The following RAB11FIP2 variants were observed in gnomAD, a reference collection of about 807,000 sequenced individuals.
RAB11FIP2 encodes rab11 family-interacting protein 2.
RAB11FIP2 carries 16 observed loss-of-function variants against 40.9 expected under a neutral mutation model. The ratio of observed to expected loss-of-function variants is 0.39; its 90% confidence interval spans 0.26 to 0.59. The LOEUF is 0.59. Among genes scored for constraint, RAB11FIP2 ranks in the 20% least tolerant of loss-of-function variants. The probability of loss-of-function intolerance (pLI) is 0.53; values close to 1 mark genes in which losing one functional copy is unlikely to be tolerated. For synonymous variants in RAB11FIP2, 228 were observed against 213.7 expected (o/e 1.07, Z -0.58); for missense variants, 532 against 606.2 (o/e 0.88, Z 1.28).
chr10:118,006,074 C>T lies in RAB11FIP2; in HGVS notation c.*2924G>A, dbSNP rs1846087554. The T allele has an allele frequency of 6.6e-6, 1 of 152,436 alleles. No individual in the cohort carries two copies. Among genetic ancestry groups the T allele is most frequent in the African/African-American group, 2.4e-5 (1 of 41,398 alleles). The allele number at this position is 152,436 out of a possible 1,614,324, so 9.4% of individuals were successfully genotyped here. On this transcript the variant is annotated 3_prime_UTR_variant, in exon 5 of 5. Transcript: ENST00000355624. ...CAATGCAGAACATAGCAGCAAAAAG[C>T]AATACTTAAAAACGTTTTTCATGAA... is the stretch of plus-strand genomic sequence containing the variant.
At chr10:118,023,645 G>A (rs963321968) in intron 3 of RAB11FIP2, among the ~76,000 whole-genome samples, 11 of 152,118 alleles carry the variant, frequency 7.2e-5, no homozygotes, top group Admixed American at 3.3e-4. Context: ...CAAAGATCAC[G>A]GACAGCAAAT....
chr10:118,034,653 A>G (rs941171740), intron 3 of RAB11FIP2, among the ~76,000 whole-genome samples: 3 of 152,286 alleles, frequency 2.0e-5, no homozygotes, highest in African/African-American at 7.2e-5. Context: ...AAAGCATGAA[A>G]AAAATTAGTT....
At chr10:118,035,365 T>C (rs975232253) in intron 3 of RAB11FIP2, among the ~76,000 whole-genome samples, 1 of 152,146 alleles carries the variant, frequency 6.6e-6, no homozygotes, top group Non-Finnish European at 1.5e-5. Flanking sequence ...TATTAAATTT[T>C]AGTAATCCTT....
chr10:118,006,910 T>C lies in RAB11FIP2; in HGVS notation c.*2088A>G, dbSNP rs1301944192. ...AATTTCCCCATAAAAAGAAGAGCAG[T>C]ACTTGAACCATACTTTTAAATGAGT... is the stretch of plus-strand genomic sequence containing the variant. On this transcript the variant is annotated 3_prime_UTR_variant, in exon 5 of 5. Coordinates refer to ENST00000355624, the MANE Select transcript of RAB11FIP2 (RefSeq NM_014904.3). 1 of 152,412 alleles carries C rather than the reference T, an allele frequency of 6.6e-6. No homozygotes were observed. The highest frequency in any genetic ancestry group is 1.5e-5 in the Non-Finnish European group (1 of 67,904). The allele number at this position is 152,412 out of a possible 1,614,324, so 9.4% of individuals were successfully genotyped here.
intron 3 of RAB11FIP2, among the ~76,000 whole-genome samples, chr10:118,023,958 CATGTGTCT>C (rs1303542637): frequency 1.3e-5 from 2 of 151,916 alleles, no homozygotes; most frequent in African/African-American, 2.4e-5. Flanking sequence ...GATGTGGTGG[CATGTGTCT>C]ATAATCCCAG....
At chr10:118,025,822 G>C (rs1033150048) in intron 3 of RAB11FIP2, among the ~76,000 whole-genome samples, 1 of 151,918 alleles carries the variant, frequency 6.6e-6, no homozygotes, top group Non-Finnish European at 1.5e-5. Flanking sequence ...TCCATCCTTC[G>C]AGACTTTTAG....
chr10:118,024,067 G>A (rs1179534612), intron 3 of RAB11FIP2, among the ~76,000 whole-genome samples: 1 of 149,704 alleles, frequency 6.7e-6, no homozygotes, highest in Non-Finnish European at 1.5e-5. Context: ...TCCAGCCTGG[G>A]CAACAGAGTG....
At chr10:118,036,084 A>G (rs1230138426) in intron 3 of RAB11FIP2, among the ~76,000 whole-genome samples, 1 of 152,142 alleles carries the variant, frequency 6.6e-6, no homozygotes, top group Non-Finnish European at 1.5e-5. Flanking sequence ...TTCTAAAAAA[A>G]GTGTGCCTTA....
chr10:118,020,564 A>G (rs1453227160), intron 3 of RAB11FIP2, among the ~76,000 whole-genome samples: 1 of 152,038 alleles, frequency 6.6e-6, no homozygotes, highest in Non-Finnish European at 1.5e-5. Context: ...CTGAAAGCAT[A>G]GGAGGCAGGG....
Position 118,029,745 on chromosome 10 carries a change from A to G in RAB11FIP2, c.1265+9227T>C, listed in dbSNP as rs75114261. ...GGAGCCTCGCAAGGGCCTTCTTTATATTCTTAACCTTTAGAGTATAACATG... is the reference window on the plus strand; with the variant it reads ...GGAGCCTCGCAAGGGCCTTCTTTATGTTCTTAACCTTTAGAGTATAACATG... On this transcript the variant is annotated intron_variant, in intron 3 of 4. Coordinates refer to ENST00000355624, the MANE Select transcript of RAB11FIP2 (RefSeq NM_014904.3). Among the ~76,000 whole-genome samples the G allele has an allele frequency of 5.4e-3, 826 of 152,230 alleles. 9 individuals are homozygous for G. The highest frequency in any genetic ancestry group is 0.019 in the African/African-American group (788 of 41,534).
At chr10:118,010,833 A>T (rs934025902) in intron 4 of RAB11FIP2, among the ~76,000 whole-genome samples, 3 of 152,116 alleles carry the variant, frequency 2.0e-5, no homozygotes, top group Non-Finnish European at 4.4e-5. Flanking sequence ...ACAAGGCTCA[A>T]GGCATAGTGG....
chr10:118,041,053 A>G (rs1285003719), intron 1 of RAB11FIP2, among the ~76,000 whole-genome samples: 1 of 152,154 alleles, frequency 6.6e-6, no homozygotes. Flanking sequence ...CCATCCCAAA[A>G]TATTACTTAC....
At chr10:118,028,963 C>T (rs1183147314) in intron 3 of RAB11FIP2, among the ~76,000 whole-genome samples, 1 of 151,374 alleles carries the variant, frequency 6.6e-6, no homozygotes, top group Non-Finnish European at 1.5e-5. Flanking sequence ...TAGTCTCAAA[C>T]AATTCAAAAC....
chr10:118,043,514 C>T (rs1311212502), intron 1 of RAB11FIP2: 1 of 152,176 alleles, frequency 6.6e-6, no homozygotes, highest in Non-Finnish European at 1.5e-5. Context: ...GGTTCTGGCT[C>T]AGACCCTTTT....
At chr10:118,024,470 C>CGCGTGTGTGTGTGTGT (rs1846319597) in intron 3 of RAB11FIP2, among the ~76,000 whole-genome samples, 1 of 131,726 alleles carries the variant, frequency 7.6e-6, no homozygotes, top group Admixed American at 7.6e-5. Flanking sequence ...TCATCATCAT[C>CGCGTGTGTGTGTGTGT]GTGTGTGTGT....
chr10:118,040,496 C>A lies in RAB11FIP2; in HGVS notation c.423G>T (p.Gln141His), dbSNP rs765549451. ...TTGCGGTCATATTGTTCCTCATAAACTGAATATTGACCTTTATCTCACCCC... is the reference window on the plus strand; with the variant it reads ...TTGCGGTCATATTGTTCCTCATAAAATGAATATTGACCTTTATCTCACCCC... ...KNRGEIKVNI[Q>H]FMRNNMTASM... The change falls in exon 2 of 5, where the codon CAG becomes CAT. Residue 141 changes from glutamine to histidine, a missense_variant. By Grantham distance (24) the Gln-to-His change is conservative (BLOSUM62 0). Coordinates refer to ENST00000355624, the MANE Select transcript of RAB11FIP2 (RefSeq NM_014904.3). The A allele has an allele frequency of 6.2e-7, 1 of 1,613,106 alleles. No individual in the cohort carries two copies. The highest frequency in any genetic ancestry group is 8.5e-7 in the Non-Finnish European group (1 of 1,179,382).
chr10:118,008,911 T>C lies in RAB11FIP2; in HGVS notation c.*87A>G, dbSNP rs959072080. 9 of 1,042,206 alleles carry C rather than the reference T, an allele frequency of 8.6e-6. No individual in the cohort carries two copies. The highest frequency in any genetic ancestry group is 1.2e-5 in the Non-Finnish European group (8 of 689,370). The allele number at this position is 1,042,206 out of a possible 1,614,324, so 64.6% of individuals were successfully genotyped here. On this transcript the variant is annotated 3_prime_UTR_variant, in exon 5 of 5. Coordinates refer to ENST00000355624, the MANE Select transcript of RAB11FIP2 (RefSeq NM_014904.3). ...GAATATGTAATGAAACCTGATAGTG[T>C]AGTCTCTTTCAGTAACAAGTTTTTC... is the stretch of plus-strand genomic sequence containing the variant.
intron 1 of RAB11FIP2, among the ~76,000 whole-genome samples, chr10:118,042,621 T>C (rs1846575104): frequency 6.6e-6 from 1 of 152,210 alleles, no homozygotes; most frequent in Non-Finnish European, 1.5e-5. Context: ...TATAAGCTCC[T>C]GGAAGGCAGT....
chr10:118,037,781 GATA>G (rs1260194716), intron 3 of RAB11FIP2, among the ~76,000 whole-genome samples: 12 of 151,950 alleles, frequency 7.9e-5, no homozygotes, highest in Admixed American at 6.6e-5. Context: ...GCTCTTCCAA[GATA>G]ATTACAGTCA....
Sources: allele counts gnomAD v4.1 joint callset (sites outside exome capture counted in the v4.1 genomes callset), GRCh38; gene constraint gnomAD v4.1.1; transcripts MANE v1.5; gene names NCBI Gene and HGNC (gene_info 2026-07-23, HGNC 2026-07-21).